The following TP73 variants were observed in gnomAD, a reference collection of about 807,000 sequenced individuals.
TP73 encodes p53-like transcription factor.
Under a neutral mutation model 62.5 loss-of-function variants are expected in TP73, and 25 were observed. That is an observed-to-expected ratio of 0.40 (90% confidence interval 0.29 to 0.56). The LOEUF (loss-of-function observed/expected upper bound fraction) is 0.56, where lower values mean the gene tolerates loss of function less well. Ranked by LOEUF, TP73 falls within the 20% of genes least tolerant of loss-of-function variation. The pLI is 0.46. For synonymous variants in TP73, 423 were observed against 377.5 expected, an observed-to-expected ratio of 1.12 and a Z score of -1.40; for missense variants, 754 against 913.3, an observed-to-expected ratio of 0.83 and a Z score of 2.25.
rs551647151 is a variant in TP73, at chr1:3,693,384, G to C, written c.186+10204G>C. On this transcript the variant is annotated intron_variant, in intron 3 of 13. Transcript: ENST00000378295. ...AGCTGCTCCGGAGCCCGCTGGGCCA[G>C]CCTGGCCCTGGGAAGAGGCCCCTGG... is the stretch of plus-strand genomic sequence containing the variant. 1.7e-3 allele frequency among the ~76,000 whole-genome samples: 264 copies of C among 152,296 alleles called. 2 individuals carry two copies. Among genetic ancestry groups the C allele is most frequent in the African/African-American group, 6.2e-3 (257 of 41,544 alleles).
At chr1:3,665,809 C>A (rs1274896315) in intron 1 of TP73, among the ~76,000 whole-genome samples, 2 of 142,364 alleles carry the variant, frequency 1.4e-5, no homozygotes, top group Non-Finnish European at 3.0e-5. Context: ...CATGAACCAC[C>A]GTGCCCGGCC....
At chr1:3,679,059 C>T (rs895291518) in intron 1 of TP73, among the ~76,000 whole-genome samples, 2 of 152,198 alleles carry the variant, frequency 1.3e-5, no homozygotes, top group African/African-American at 4.8e-5. Context: ...TGTGCCCAGG[C>T]AGGGATGAGA....
chr1:3,715,038 T>A (rs1248902471), intron 4 of TP73, among the ~76,000 whole-genome samples: 1 of 152,162 alleles, frequency 6.6e-6, no homozygotes, highest in East Asian at 1.9e-4. Context: ...CCTGAGCTCC[T>A]CACACAGCAT....
chr1:3,703,759 G>C (rs538872729), intron 3 of TP73, among the ~76,000 whole-genome samples: 2 of 152,256 alleles, frequency 1.3e-5, no homozygotes, highest in African/African-American at 4.8e-5. Context: ...CGGGCAGGGG[G>C]ACCCTGGAGC....
chr1:3,706,462 CCGGGGAGAGGGG>C (rs1444305299), intron 3 of TP73, among the ~76,000 whole-genome samples: 4 of 119,786 alleles, frequency 3.3e-5, no homozygotes, highest in African/African-American at 1.2e-4. Context: ...CGCCGCAGGC[CCGGGGAGAGGGG>C]TAATAGGGAC....
rs61759267 is a variant in TP73 at position 3,715,335 on chromosome 1, C to T, written c.430-6686C>T. Among the ~76,000 whole-genome samples the T allele has an allele frequency of 8.8e-3, 1,337 of 152,178 alleles. 8 individuals carry two copies. Among genetic ancestry groups the T allele is most frequent in the Middle Eastern group, 0.034 (10 of 294 alleles). On this transcript the variant is annotated intron_variant, in intron 4 of 13. Transcript: ENST00000378295. ...CAGTCTTCCTGGAACCCAGGGGTGA[C>T]GCCTCTGCAGTGCCGTCTTCCTGGA...
intron 1 of TP73, among the ~76,000 whole-genome samples, chr1:3,679,038 G>A (rs1035224197): frequency 6.6e-6 from 1 of 152,216 alleles, no homozygotes; most frequent in Non-Finnish European, 1.5e-5. Context: ...CACGCTCGCT[G>A]GCCTCTGTCC....
At chr1:3,717,319 G>A (rs1001472715) in intron 4 of TP73, among the ~76,000 whole-genome samples, 4 of 152,184 alleles carry the variant, frequency 2.6e-5, no homozygotes, top group South Asian at 2.1e-4. Context: ...GTACTGGGGC[G>A]GGGGAGGAGG....
chr1:3,659,268 C>T (rs1232669321), intron 1 of TP73: 1 of 152,002 alleles, frequency 6.6e-6, no homozygotes, highest in Non-Finnish European at 1.5e-5. Context: ...ATGTTGGGCT[C>T]CGAGCATCTT....
chr1:3,718,176 C>A (rs529694039), intron 4 of TP73, among the ~76,000 whole-genome samples: 2 of 152,322 alleles, frequency 1.3e-5, no homozygotes, highest in South Asian at 4.1e-4. Flanking sequence ...GCACCGAGTA[C>A]CAGGGACAGC....
chr1:3,654,400 G>T (rs553252269), intron 1 of TP73, among the ~76,000 whole-genome samples: 1 of 152,176 alleles, frequency 6.6e-6, no homozygotes, highest in Non-Finnish European at 1.5e-5. Flanking sequence ...AAGGCCAGTC[G>T]CATGGAGAAG....
intron 3 of TP73, among the ~76,000 whole-genome samples, chr1:3,689,091 C>T (rs578036828): frequency 3.3e-5 from 5 of 152,206 alleles, no homozygotes; most frequent in Admixed American, 6.5e-5. Flanking sequence ...CTGGGGAGCC[C>T]GCCCCCAACC....
In TP73 at chr1:3,734,784, G is replaced by A. The variant is rs923115532; in HGVS notation, c.*1705G>A. The stretch of plus-strand genomic sequence containing the variant: ...TCTCCCACCGTCCACCTCCCCGGGG[G>A]CCGCTGACAGCACAGTCGCCTGGGT... On this transcript the variant is annotated 3_prime_UTR_variant, in exon 14 of 14. Coordinates refer to ENST00000378295, the MANE Select transcript of TP73 (RefSeq NM_005427.4). This position sits in a 1 kb window ranked among gnomAD's most constrained non-coding sequence, Gnocchi z 4.4. 3 of 152,282 alleles carry A rather than the reference G, an allele frequency of 2.0e-5. No homozygotes were observed. The highest frequency in any genetic ancestry group is 7.2e-5 in the African/African-American group (3 of 41,460). 9.4% of individuals were successfully genotyped at this position (152,282 alleles called of 1,614,324 possible). A position where few individuals can be genotyped will look rare whatever the true frequency, so the allele number is the denominator to read the frequency against.
At chr1:3,697,888 G>A (rs776807815) in intron 3 of TP73, among the ~76,000 whole-genome samples, 41 of 152,270 alleles carry the variant, frequency 2.7e-4, no homozygotes, top group Non-Finnish European at 5.6e-4. Flanking sequence ...GTCCTGGACC[G>A]CCTTCTCCAC....
intron 13 of TP73, among the ~76,000 whole-genome samples, chr1:3,732,287 G>A (rs183995771): frequency 7.9e-5 from 12 of 152,328 alleles, no homozygotes; most frequent in Non-Finnish European, 1.3e-4. Context: ...GAGAGTGGCC[G>A]CGTCTGTGTC....
intron 1 of TP73, among the ~76,000 whole-genome samples, chr1:3,667,725 G>A (rs1414049201): frequency 1.3e-5 from 2 of 150,396 alleles, no homozygotes; most frequent in Non-Finnish European, 3.0e-5. Flanking sequence ...ACTCCAGCCT[G>A]GGCGACAGAG....
In TP73 at chr1:3,696,003, C is replaced by T. The variant is rs767685432; in HGVS notation, c.187-11546C>T. ...CAGCAGAGCAGGGGTGAAAACGCCGCGGTCGGCCGTGGCTGTGTTGGAGAT... is the reference window on the plus strand; with the variant it reads ...CAGCAGAGCAGGGGTGAAAACGCCGTGGTCGGCCGTGGCTGTGTTGGAGAT... On this transcript the variant is annotated intron_variant, in intron 3 of 13. Transcript: ENST00000378295. The surrounding 1 kb of genome is among the most constrained non-coding windows in gnomAD (Gnocchi z 4.1). 7.0e-4 allele frequency among the ~76,000 whole-genome samples: 106 copies of T among 152,202 alleles called. No homozygotes were observed. Among genetic ancestry groups the T allele is most frequent in the Non-Finnish European group, 1.1e-3 (72 of 68,034 alleles).
chr1:3,730,368 G>C (rs773599562), intron 11 of TP73, among the ~76,000 whole-genome samples: 1 of 152,238 alleles, frequency 6.6e-6, no homozygotes, highest in Non-Finnish European at 1.5e-5. Flanking sequence ...TAAGAGCGTG[G>C]AACCCACATG....
chr1:3,707,731 A>T lies in TP73; in HGVS notation c.369A>T (p.Gly123=). 1.2e-6 allele frequency: 2 copies of T among 1,613,036 alleles called. No individual in the cohort carries two copies. The highest frequency in any genetic ancestry group is 1.7e-6 in the Non-Finnish European group (2 of 1,179,904). The part of the protein sequence containing the change: ...PVIPSNTDYP[G]PHHFEVTFQQ... ...TCCCCTCCAACACCGACTACCCCGG[A>T]CCCCACCACTTTGAGGTCACTTTCC... Residue 123 remains glycine, a synonymous_variant, in exon 4 of 14, where the codon GGA becomes GGT. Transcript: ENST00000378295.
Sources: allele counts gnomAD v4.1 joint callset (sites outside exome capture counted in the v4.1 genomes callset), GRCh38; gene constraint gnomAD v4.1.1; non-coding constraint Gnocchi (gnomAD v3.1); transcripts MANE v1.5; gene names NCBI Gene and HGNC (gene_info 2026-07-23, HGNC 2026-07-21).